EIF5B: variants seen among roughly 807,000 people sequenced by gnomAD.
EIF5B encodes the protein eIF-5B.
EIF5B carries 47 observed loss-of-function variants against 147.5 expected under a neutral mutation model. The observed-to-expected ratio is 0.32, with a 90% CI of 0.25 to 0.41. EIF5B has a LOEUF of 0.41. Among genes scored for constraint, EIF5B ranks in the 10% least tolerant of loss-of-function variants. EIF5B has a pLI of 1.00. For synonymous variants in EIF5B, 455 were observed against 456.2 expected (o/e 1.00, Z 0.03); for missense variants, 1,064 against 1,413.2 (o/e 0.75, Z 3.96).
rs990237609 is a variant in EIF5B, at chr2:99,390,124, G to C, written c.2404-95G>C. 2.1e-6 allele frequency: 3 copies of C among 1,398,002 alleles called. No homozygotes were observed. The African/African-American group carries it at 4.3e-5, about 20-fold the overall frequency. 86.6% of individuals were successfully genotyped at this position (1,398,002 alleles called of 1,614,324 possible). On this transcript the variant is annotated intron_variant, in intron 15 of 23. Coordinates refer to ENST00000289371, the MANE Select transcript of EIF5B (RefSeq NM_015904.4). Reference sequence around the variant, plus strand: ...TAGTGTTTATGAGGAGTTTCAAAATGATGAGCCATTTGCTCATCCGGCTTC... The same window carrying C: ...TAGTGTTTATGAGGAGTTTCAAAATCATGAGCCATTTGCTCATCCGGCTTC...
Position 99,368,506 on chromosome 2 carries a change from A to G in EIF5B, c.1302A>G (p.Pro434=). 6.2e-7 allele frequency: 1 copy of G among 1,613,748 alleles called. No individual in the cohort carries two copies. The highest frequency in any genetic ancestry group is 8.5e-7 in the Non-Finnish European group (1 of 1,179,816). ...TTTATCCCTCAGGTGTTGAAGTGCC[A>G]TCAAAAGACTCTTTGCCAAAGAAGA... ...KLLQAQGVEV[P]SKDSLPKKRP... is the part of the protein sequence containing the mutation. Residue 434 remains proline (P), a synonymous_variant, in exon 7 of 24, where the codon CCA becomes CCG. Transcript: ENST00000289371.
intron 6 of EIF5B, among the ~76,000 whole-genome samples, chr2:99,367,128 A>G (rs1674344099): frequency 6.6e-6 from 1 of 152,228 alleles, no homozygotes; most frequent in Non-Finnish European, 1.5e-5. Context: ...GAGTGCTTAG[A>G]TAGGACTCTA....
intron 1 of EIF5B, among the ~76,000 whole-genome samples, chr2:99,358,197 G>A (rs1674134403): frequency 6.6e-6 from 1 of 152,026 alleles, no homozygotes; most frequent in Non-Finnish European, 1.5e-5. Context: ...CTTCCAAGTA[G>A]CTGGGACAAG....
At chr2:99,375,939 A>T (rs1674556537) in intron 9 of EIF5B, among the ~76,000 whole-genome samples, 1 of 152,144 alleles carries the variant, frequency 6.6e-6, no homozygotes, top group Admixed American at 6.5e-5. Flanking sequence ...AAATATTCCA[A>T]ATTAAAAAAA....
chr2:99,380,585 T>C lies in EIF5B; in HGVS notation c.2061+1157T>C, dbSNP rs186347703. Among the ~76,000 whole-genome samples the C allele has an allele frequency of 6.6e-5, 10 of 152,304 alleles. No individual in the cohort carries two copies. The East Asian group carries it at 1.9e-3, about 29-fold the overall frequency. On this transcript the variant is annotated intron_variant, in intron 12 of 23. Transcript: ENST00000289371. Reference sequence around the variant, plus strand: ...ACTACCCAGACTGAGAACTGGGCCTTGTTAATAATTCCTCAGTTTCATTAT... The same window carrying C: ...ACTACCCAGACTGAGAACTGGGCCTCGTTAATAATTCCTCAGTTTCATTAT...
At chr2:99,385,838 A>G (rs892148482) in intron 14 of EIF5B, among the ~76,000 whole-genome samples, 3 of 152,216 alleles carry the variant, frequency 2.0e-5, no homozygotes, top group Admixed American at 6.5e-5. Flanking sequence ...GACCATCTCC[A>G]TATTTCCAGA....
Position 99,361,227 on chromosome 2 carries a change from A to T in EIF5B, c.326A>T (p.Asp109Val). 1 of 1,608,420 alleles carries T rather than the reference A, an allele frequency of 6.2e-7. No homozygotes were observed. Among genetic ancestry groups the T allele is most frequent in the Admixed American group, 1.7e-5 (1 of 58,874 alleles). The change falls in exon 4 of 24, where the codon GAT (aspartate) becomes GTT (valine). Residue 109 changes from aspartate to valine, a missense_variant. Asp to Val is a radical substitution (Grantham distance 152, BLOSUM62 -3). This residue lies in a region of EIF5B where 458 missense variants were observed against 451.3 expected (regional missense o/e 1.01). Transcript: ENST00000289371. ...KGQKGKKQSFDDNDSEELEDK... is the reference protein window; with the variant it reads ...KGQKGKKQSFVDNDSEELEDK... The stretch of plus-strand genomic sequence containing the variant: ...CAGAAGGGCAAAAAACAGAGTTTTG[A>T]TGATAATGATAGCGAAGAATTGGAA...
intron 1 of EIF5B, among the ~76,000 whole-genome samples, chr2:99,355,698 C>T (rs184592749): frequency 7.6e-4 from 114 of 149,858 alleles, no homozygotes; most frequent in African/African-American, 2.5e-3. Flanking sequence ...CTGCAACCTC[C>T]GTCTCCCAGG....
intron 9 of EIF5B, among the ~76,000 whole-genome samples, chr2:99,375,631 C>T (rs188407828): frequency 1.7e-3 from 254 of 152,316 alleles, no homozygotes; most frequent in Non-Finnish European, 2.7e-3. Context: ...GACTGTTCCA[C>T]CTCCTTGAGT....
At chr2:99,339,816 A>T (rs1053734273) in intron 1 of EIF5B, among the ~76,000 whole-genome samples, 1 of 152,176 alleles carries the variant, frequency 6.6e-6, no homozygotes, top group African/African-American at 2.4e-5. Flanking sequence ...GGGATGCTGT[A>T]AAGTTTAAAT....
chr2:99,376,395 A>G lies in EIF5B; in HGVS notation c.1601A>G (p.Glu534Gly). 2 of 1,543,204 alleles carry G rather than the reference A, an allele frequency of 1.3e-6. No individual in the cohort carries two copies. Among genetic ancestry groups the G allele is most frequent in the East Asian group, 4.7e-5 (2 of 42,826 alleles). Residue 534 changes from glutamate to glycine, a missense_variant, in exon 10 of 24, where the codon GAG becomes GGG. Physicochemically the swap from Glu to Gly is moderately conservative, Grantham distance 98 (BLOSUM62 -2). Transcript: ENST00000289371. ...GAAGTAAAAGAAAACCCTGAAGAGG[A>G]GGAGGAGGAGGAAGAAGAGGAAGAA... ...HIEVKENPEE[E>G]EEEEEEEEED...
At chr2:99,386,536 T>TG (rs1341513110) in intron 14 of EIF5B, among the ~76,000 whole-genome samples, 60 of 144,412 alleles carry the variant, frequency 4.2e-4, no homozygotes, top group African/African-American at 1.2e-3. Flanking sequence ...TGTGTGTGTG[T>TG]TTTTTTTTTT....
intron 7 of EIF5B, among the ~76,000 whole-genome samples, 167 bp from the exon 8 acceptor site, chr2:99,369,225 G>A (rs1183173085): frequency 6.6e-6 from 1 of 152,180 alleles, no homozygotes; most frequent in Non-Finnish European, 1.5e-5. Context: ...AGTGAGCTGA[G>A]ATTGTACCAC....
chr2:99,360,114 G>C, intron 1 of EIF5B, 122 bp from the exon 2 acceptor site: 1 of 1,203,042 alleles, frequency 8.3e-7, no homozygotes, highest in Non-Finnish European at 1.1e-6. Context: ...GAAAGAACTT[G>C]CCAAATGATT....
intron 1 of EIF5B, among the ~76,000 whole-genome samples, chr2:99,353,369 G>T (rs1674020500): frequency 6.6e-6 from 1 of 151,538 alleles, no homozygotes; most frequent in African/African-American, 2.4e-5. Context: ...ATGTTGCCCA[G>T]TATGATCTAG....
chr2:99,398,115 G>A (rs1479016954), intron 22 of EIF5B: 2 of 152,116 alleles, frequency 1.3e-5, no homozygotes, highest in African/African-American at 2.4e-5. Flanking sequence ...CCTGGTTCTT[G>A]TAATGGGCAA....
Position 99,382,930 on chromosome 2 carries a change from G to T in EIF5B, c.2271+9G>T. ...TTGTTGCACTCAATAAGGTATGTGC[G>T]CCTTCTGAAAAATTAACCTAGGAAA... On this transcript the variant is annotated intron_variant, in intron 14 of 23. Coordinates refer to ENST00000289371, the MANE Select transcript of EIF5B (RefSeq NM_015904.4). The T allele has an allele frequency of 6.4e-7, 1 of 1,553,892 alleles. No homozygotes were observed.
At chr2:99,352,225 C>T (rs1468890357) in intron 1 of EIF5B, among the ~76,000 whole-genome samples, 6 of 151,584 alleles carry the variant, frequency 4.0e-5, no homozygotes, top group African/African-American at 9.7e-5. Context: ...GACAGAGTTT[C>T]GCTCTTGTTG....
intron 18 of EIF5B, among the ~76,000 whole-genome samples, chr2:99,393,821 C>A (rs1231012057): frequency 1.3e-5 from 2 of 152,200 alleles, no homozygotes; most frequent in Non-Finnish European, 2.9e-5. Context: ...AAAATCTCTT[C>A]TTCCATTTCC....
Sources: allele counts gnomAD v4.1 joint callset (sites outside exome capture counted in the v4.1 genomes callset), GRCh38; gene constraint gnomAD v4.1.1; regional missense constraint gnomAD v4.1.1; transcripts MANE v1.5; gene names NCBI Gene and HGNC (gene_info 2026-07-23, HGNC 2026-07-21).